Variants in RBFOX1 observed in about 807,000 individuals in gnomAD.
RBFOX1 encodes the protein RNA binding protein fox-1 homolog 1.
In RBFOX1, 8 loss-of-function variants were observed where a neutral mutation model predicts 57.7. The ratio of observed to expected loss-of-function variants is 0.14; its 90% CI spans 0.08 to 0.25. The LOEUF (loss-of-function observed/expected upper bound fraction) is 0.25, where lower values mean the gene tolerates loss of function less well. RBFOX1 is among the 10% of genes least tolerant of loss of function. The probability of loss-of-function intolerance (pLI) is 1.00; values close to 1 mark genes in which losing one functional copy is unlikely to be tolerated. For missense variants in RBFOX1, 611 were observed against 548.5 expected, an observed-to-expected ratio of 1.11 and a Z score of -1.14; for synonymous variants, 326 against 222.4, an observed-to-expected ratio of 1.47 and a Z score of -4.15.
chr16:7,499,722 T>C lies in RBFOX1; in HGVS notation c.28-18425T>C, dbSNP rs149064781. Among the ~76,000 whole-genome samples the C allele has an allele frequency of 7.8e-3, 1,187 of 152,180 alleles. 8 individuals are homozygous for C. Among genetic ancestry groups the C allele is most frequent in the Middle Eastern group, 0.014 (4 of 294 alleles). ...AGTGCGCCAGAATCACAACTCAACA[T>C]ATATTAAGGCTTTCATTTGGTGGTG... On this transcript the variant is annotated intron_variant, in intron 4 of 15. Coordinates refer to ENST00000550418, the MANE Select transcript of RBFOX1 (RefSeq NM_018723.4).
At chr16:7,464,665 G>T (rs940665069) in intron 4 of RBFOX1, among the ~76,000 whole-genome samples, 2 of 141,200 alleles carry the variant, frequency 1.4e-5, no homozygotes, top group African/African-American at 5.3e-5. Context: ...CTCCCCGCCC[G>T]AAATACTTCT....
intron 4 of RBFOX1, among the ~76,000 whole-genome samples, chr16:7,319,351 G>A (rs2096501502): frequency 6.6e-6 from 1 of 152,150 alleles, no homozygotes; most frequent in African/African-American, 2.4e-5. Context: ...AGGTGGGCGT[G>A]TAGAAAAATT....
At chr16:7,437,505 G>A (rs1030097874) in intron 4 of RBFOX1, among the ~76,000 whole-genome samples, 1 of 152,094 alleles carries the variant, frequency 6.6e-6, no homozygotes, top group Non-Finnish European at 1.5e-5. Context: ...TTTCTAATTA[G>A]AGCCAAGCTG....
At position 7,597,382 on chromosome 16, in the gene RBFOX1, C is replaced by T. The variant is rs748133904; in HGVS notation, c.573C>T (p.Ala191=). 7.5e-6 allele frequency: 12 copies of T among 1,609,790 alleles called. No individual in the cohort carries two copies. In the South Asian group the frequency reaches 1.1e-4, roughly 15 times the overall value. The change falls in exon 9 of 16, where the codon GCC becomes GCT. Residue 191 remains alanine (A), a synonymous_variant. Transcript: ENST00000550418. ...TTCTATGTACATAGGTAAATAATGC[C>T]ACAGCACGTGTAATGACAAATAAAA... ...VEGRKIEVNN[A]TARVMTNKKT... is the part of the protein sequence containing the mutation.
chr16:7,061,753 T>C (rs1287340030), intron 4 of RBFOX1, among the ~76,000 whole-genome samples: 4 of 152,182 alleles, frequency 2.6e-5, no homozygotes, highest in Non-Finnish European at 5.9e-5. Flanking sequence ...AATGCTGACA[T>C]TTTAATTTGT....
chr16:5,856,208 C>CATATATAT (rs2057040042), intron 3 of RBFOX1, among the ~76,000 whole-genome samples: 1 of 28,560 alleles, frequency 3.5e-5, no homozygotes, highest in East Asian at 9.3e-4. Context: ...TATATATATA[C>CATATATAT]ATATATATGT....
intron 1 of RBFOX1, among the ~76,000 whole-genome samples, chr16:5,463,142 G>A (rs1230195173): frequency 6.6e-6 from 1 of 152,138 alleles, no homozygotes; most frequent in Non-Finnish European, 1.5e-5. Context: ...TTGCATCCCT[G>A]GTTGTACTTC....
chr16:7,616,914 A>G, intron 10 of RBFOX1, among the ~76,000 whole-genome samples: 1 of 152,090 alleles, frequency 6.6e-6, no homozygotes, highest in East Asian at 1.9e-4. Context: ...AATCCTAAGG[A>G]CAAGCTGTTG....
chr16:5,275,690 A>C (rs755341840), intron 1 of RBFOX1, among the ~76,000 whole-genome samples: 1 of 152,208 alleles, frequency 6.6e-6, no homozygotes, highest in African/African-American at 2.4e-5. Flanking sequence ...AAACAATGCC[A>C]AAATTCATCT....
chr16:5,308,473 C>G (rs1310398105), intron 1 of RBFOX1, among the ~76,000 whole-genome samples: 1 of 152,154 alleles, frequency 6.6e-6, no homozygotes, highest in Non-Finnish European at 1.5e-5. Context: ...CAGTTCTTGA[C>G]TGATCTGACT....
intron 1 of RBFOX1, among the ~76,000 whole-genome samples, chr16:6,171,555 G>C (rs1381683386): frequency 6.6e-6 from 1 of 152,140 alleles, no homozygotes; most frequent in East Asian, 1.9e-4. Flanking sequence ...ATTTGGAGTG[G>C]TTCTGCAAAT....
chr16:5,661,757 A>G (rs551583052), intron 3 of RBFOX1, among the ~76,000 whole-genome samples: 32 of 152,284 alleles, frequency 2.1e-4, no homozygotes, highest in Non-Finnish European at 3.2e-4. Context: ...TGTAGTCAGC[A>G]TGCACTACAT....
chr16:5,621,808 G>A (rs2048208872), intron 3 of RBFOX1, among the ~76,000 whole-genome samples: 1 of 152,134 alleles, frequency 6.6e-6, no homozygotes, highest in South Asian at 2.1e-4. Flanking sequence ...TTTGGATTTG[G>A]TGCAAATGTG....
In RBFOX1 at chr16:5,641,251, T is replaced by G. The variant is rs139301002; in HGVS notation, c.318+42290T>G. Among the ~76,000 whole-genome samples the G allele has an allele frequency of 4.6e-3, 699 of 152,268 alleles. 9 individuals carry two copies. The highest frequency in any genetic ancestry group is 0.016 in the African/African-American group (645 of 41,556). Reference sequence around the variant, plus strand: ...CACATACACACATGTACCAACTGAGTACCAGTTATTAAATAGGCTGTGTTC... The same window carrying G: ...CACATACACACATGTACCAACTGAGGACCAGTTATTAAATAGGCTGTGTTC... On this transcript the variant is annotated intron_variant, in intron 3 of 19. Coordinates refer to the RBFOX1 transcript ENST00000641259.
chr16:7,096,309 G>A (rs1478704), intron 4 of RBFOX1, among the ~76,000 whole-genome samples: 32,750 of 152,056 alleles, frequency 0.22, 4,249 homozygotes, highest in Non-Finnish European at 0.28. Context: ...AAGATGACAG[G>A]CAGTCAGAAC....
intron 3 of RBFOX1, among the ~76,000 whole-genome samples, chr16:6,818,249 C>T (rs967795610): frequency 1.3e-5 from 2 of 151,954 alleles, no homozygotes; most frequent in Non-Finnish European, 2.9e-5. Context: ...CAAGCAGAGG[C>T]TTTAGAAGTA....
intron 2 of RBFOX1, among the ~76,000 whole-genome samples, chr16:6,333,051 C>G (rs1262941560): frequency 6.7e-6 from 1 of 149,414 alleles, no homozygotes; most frequent in East Asian, 2.0e-4. Context: ...CTTTTTTTTT[C>G]TTTTTTGAGA....
At chr16:5,869,488 G>A (rs1051994815) in intron 4 of RBFOX1, among the ~76,000 whole-genome samples, 9 of 152,080 alleles carry the variant, frequency 5.9e-5, no homozygotes, top group African/African-American at 1.9e-4. Context: ...TGCAACCTCC[G>A]CCTCCCAGGT....
chr16:5,635,973 C>G (rs1040347683), intron 3 of RBFOX1, among the ~76,000 whole-genome samples: 5 of 152,012 alleles, frequency 3.3e-5, no homozygotes, highest in Admixed American at 1.3e-4. Flanking sequence ...ATTTTGGAGT[C>G]CAAGGTGGGA....
Sources: gnomAD v4.1 joint callset for allele counts (sites outside exome capture counted in the v4.1 genomes callset) on GRCh38, gnomAD v4.1.1 for gene constraint, MANE v1.5 for transcripts, NCBI Gene and HGNC (gene_info 2026-07-23, HGNC 2026-07-21) for gene names.